Variants in COL6A6 observed in about 807,000 individuals in gnomAD.
COL6A6 encodes collagen type VI alpha 6 chain, also known as collagen alpha-6(VI) chain.
In COL6A6, 183 loss-of-function variants were observed where a neutral mutation model predicts 208.6. The observed-to-expected ratio is 0.88, with a 90% CI of 0.78 to 0.99. The LOEUF (loss-of-function observed/expected upper bound fraction) is 0.99. Ranked by LOEUF, COL6A6 falls within the 50% of genes least tolerant of loss-of-function variation. COL6A6 has a pLI of 0.00. For synonymous variants in COL6A6, 973 were observed against 1,011.8 expected (o/e 0.96, Z 0.73); for missense variants, 2,816 against 2,815.2 (o/e 1.00, Z -0.01).
intron 8 of COL6A6, among the ~76,000 whole-genome samples, chr3:130,576,692 A>G (rs1431404520): frequency 6.6e-6 from 1 of 152,174 alleles, no homozygotes; most frequent in East Asian, 1.9e-4. Context: ...AATACTCTAT[A>G]TTAAGATAAA....
intron 1 of COL6A6, among the ~76,000 whole-genome samples, chr3:130,531,284 C>G (rs1389220924): frequency 6.8e-6 from 1 of 147,222 alleles, no homozygotes; most frequent in Non-Finnish European, 1.5e-5. Flanking sequence ...ATCTAACATC[C>G]TATTAGCAGC....
At chr3:130,670,330 C>G (rs2066180919) in intron 36 of COL6A6, among the ~76,000 whole-genome samples, 1 of 152,198 alleles carries the variant, frequency 6.6e-6, no homozygotes. Context: ...CCAAGTCAGG[C>G]TAAGTGCTAC....
In COL6A6 at chr3:130,587,482, G is replaced by A. The variant is rs191793189; in HGVS notation, c.4125+822G>A. On this transcript the variant is annotated intron_variant, in intron 11 of 36. Transcript: ENST00000358511. ...TTGCCATGTTGGCCAGGCTGGTCTTGAACTCCTGACGTCATCTTATGTTCT... is the reference window on the plus strand; with the variant it reads ...TTGCCATGTTGGCCAGGCTGGTCTTAAACTCCTGACGTCATCTTATGTTCT... 3.3e-4 allele frequency among the ~76,000 whole-genome samples: 50 copies of A among 152,290 alleles called. No individual in the cohort carries two copies. The East Asian group carries it at 9.2e-3, about 28-fold the overall frequency.
chr3:130,552,837 C>T (rs1271803026), intron 1 of COL6A6, among the ~76,000 whole-genome samples: 1 of 152,116 alleles, frequency 6.6e-6, no homozygotes, highest in South Asian at 2.1e-4. Flanking sequence ...TCTCTTAAGG[C>T]AGGTCTGGTA....
chr3:130,552,625 G>A (rs1440369670), intron 1 of COL6A6, among the ~76,000 whole-genome samples: 1 of 152,014 alleles, frequency 6.6e-6, no homozygotes, highest in Non-Finnish European at 1.5e-5. Flanking sequence ...TTTAATTGGG[G>A]GCATTTAGCC....
chr3:130,540,115 T>C (rs2062325755), intron 1 of COL6A6, among the ~76,000 whole-genome samples: 1 of 152,208 alleles, frequency 6.6e-6, no homozygotes, highest in Non-Finnish European at 1.5e-5. Context: ...TTCAGTCCTT[T>C]CTCTCTGCCC....
intron 24 of COL6A6, among the ~76,000 whole-genome samples, chr3:130,624,667 G>A (rs1266191035): frequency 6.6e-6 from 1 of 152,132 alleles, no homozygotes; most frequent in East Asian, 1.9e-4. Flanking sequence ...GGTGGCCGTG[G>A]GGAAGTAGAT....
In COL6A6 at chr3:130,649,054, G is replaced by A; in HGVS notation, c.5240-15G>A. 1.3e-6 allele frequency: 2 copies of A among 1,537,826 alleles called. No homozygotes were observed. Among genetic ancestry groups the A allele is most frequent in the Non-Finnish European group, 1.8e-6 (2 of 1,140,246 alleles). ...TAAATAAGGATGCTATGTGTTAAGGGATATGGTCTTTTAGGAAAACCGGAA... is the reference window on the plus strand; with the variant it reads ...TAAATAAGGATGCTATGTGTTAAGGAATATGGTCTTTTAGGAAAACCGGAA... On this transcript the variant is annotated splice_polypyrimidine_tract_variant and intron_variant, in intron 32 of 36. Coordinates refer to ENST00000358511, the MANE Select transcript of COL6A6 (RefSeq NM_001102608.3).
chr3:130,607,028 A>G, intron 21 of COL6A6, 62 bp downstream of exon 21: 1 of 1,336,618 alleles, frequency 7.5e-7, no homozygotes, highest in Non-Finnish European at 1.1e-6. Flanking sequence ...GGGAGCTGGA[A>G]TAAAGTCTCT....
rs1357926929 is a variant in COL6A6, at chr3:130,665,038, A to T, written c.6538A>T (p.Ile2180Leu). The change falls in exon 36 of 37, where the codon ATA (isoleucine) becomes TTA (leucine). Residue 2180 changes from isoleucine to leucine, a missense_variant. Ile to Leu is a conservative substitution (Grantham distance 5). Transcript: ENST00000358511. ...CAAATATCCACCAATAAACTTAAAAATAAAGTGCAACAGACTTAACTCTAT... is the reference window on the plus strand; with the variant it reads ...CAAATATCCACCAATAAACTTAAAATTAAAGTGCAACAGACTTAACTCTAT... ...INKYPPINLK[I>L]KCNRLNSIDP... The T allele has an allele frequency of 3.1e-6, 5 of 1,609,314 alleles. No individual in the cohort carries two copies. In the Admixed American group the frequency reaches 6.7e-5, roughly 22 times the overall value.
chr3:130,549,505 G>A (rs989896081), intron 1 of COL6A6, among the ~76,000 whole-genome samples: 2 of 151,984 alleles, frequency 1.3e-5, no homozygotes, highest in African/African-American at 2.4e-5. Context: ...TTATCTTCCA[G>A]GGTTTTTGTA....
chr3:130,567,975 G>T, intron 5 of COL6A6, 72 bp from the exon 6 acceptor site: 1 of 1,147,458 alleles, frequency 8.7e-7, no homozygotes, highest in Non-Finnish European at 1.2e-6. Context: ...TTTGTGTTTT[G>T]GATTTTCCTG....
Position 130,557,212 on chromosome 3 carries a change from G to C in COL6A6, c.-31-3122G>C, listed in dbSNP as rs150164261. Among the ~76,000 whole-genome samples the C allele has an allele frequency of 2.1e-4, 32 of 152,290 alleles. No homozygotes were observed. The East Asian group carries it at 6.2e-3, about 29-fold the overall frequency. On this transcript the variant is annotated intron_variant, in intron 1 of 36. Coordinates refer to ENST00000358511, the MANE Select transcript of COL6A6 (RefSeq NM_001102608.3). ...AGAGTATCATTTTATAAAGTGGCAA[G>C]TTCACCTGCATGACCCTGTTCAAAT...
intron 34 of COL6A6, 53 bp from the exon 35 acceptor site, chr3:130,661,584 A>C: frequency 1.9e-5 from 26 of 1,378,900 alleles, no homozygotes; most frequent in Non-Finnish European, 2.5e-5. Context: ...TTGACATGCT[A>C]TCTTCCCTTT....
chr3:130,566,793 C>T lies in COL6A6; in HGVS notation c.1374C>T (p.Phe458=). The change falls in exon 5 of 37, where the codon TTC becomes TTT. Residue 458 remains phenylalanine, a synonymous_variant. Transcript: ENST00000358511. ...QATDFHEMKT[F]LSEVVGMFNI... Reference sequence around the variant, plus strand: ...CAGATTTCCATGAAATGAAGACGTTCCTGTCAGAGGTGGTAGGGATGTTCA... The same window carrying T: ...CAGATTTCCATGAAATGAAGACGTTTCTGTCAGAGGTGGTAGGGATGTTCA... The T allele has an allele frequency of 6.2e-7, 1 of 1,613,986 alleles. No individual in the cohort carries two copies. Among genetic ancestry groups the T allele is most frequent in the Non-Finnish European group, 8.5e-7 (1 of 1,179,902 alleles).
At chr3:130,517,548 A>T (rs55642223) in intron 1 of COL6A6, among the ~76,000 whole-genome samples, 151 bp downstream of exon 1, 24,965 of 151,472 alleles carry the variant, frequency 0.16, 2,449 homozygotes, top group African/African-American at 0.28. Flanking sequence ...AAGCTCAAAA[A>T]CTCCTCCTTT....
At chr3:130,588,218 A>T (rs956095263) in intron 11 of COL6A6, among the ~76,000 whole-genome samples, 4 of 152,254 alleles carry the variant, frequency 2.6e-5, no homozygotes, top group Non-Finnish European at 5.9e-5. Context: ...CAAAGGGAGA[A>T]AATTGCTAAA....
intron 7 of COL6A6, among the ~76,000 whole-genome samples, chr3:130,571,819 A>ATG (rs1388003352): frequency 6.9e-6 from 1 of 145,202 alleles, no homozygotes; most frequent in Non-Finnish European, 1.5e-5. Context: ...GGGACTACAG[A>ATG]TGTGTGGCAT....
intron 1 of COL6A6, among the ~76,000 whole-genome samples, chr3:130,523,139 T>G: frequency 6.6e-6 from 1 of 152,136 alleles, no homozygotes; most frequent in East Asian, 1.9e-4. Flanking sequence ...TAGGGAGATC[T>G]TGCTCTCTCT....
Sources: allele counts gnomAD v4.1 joint callset (sites outside exome capture counted in the v4.1 genomes callset), GRCh38; gene constraint gnomAD v4.1.1; transcripts MANE v1.5; gene names NCBI Gene and HGNC (gene_info 2026-07-23, HGNC 2026-07-21).